TUB: variants seen among roughly 807,000 people sequenced by gnomAD.
TUB encodes TUB bipartite transcription factor, also known as tubby protein homolog.
Under a neutral mutation model 59.7 loss-of-function variants are expected in TUB, and 33 were observed. The observed-to-expected ratio is 0.55, with a 90% CI of 0.42 to 0.74. The LOEUF (loss-of-function observed/expected upper bound fraction) is 0.74. Among genes scored for constraint, TUB ranks in the 30% least tolerant of loss-of-function variants. The pLI, the probability that TUB is intolerant of heterozygous loss-of-function variation, is 0.00. For synonymous variants in TUB, 293 were observed against 256.4 expected (o/e 1.14, Z -1.36); for missense variants, 659 against 672.0 (o/e 0.98, Z 0.21).
At chr11:8,066,587 C>A (rs577037435) in intron 2 of TUB, among the ~76,000 whole-genome samples, 13 of 152,314 alleles carry the variant, frequency 8.5e-5, no homozygotes, top group Admixed American at 3.9e-4. Context: ...CTTCCCTGGG[C>A]AGCCACCCTG....
At position 8,042,325 on chromosome 11, in the gene TUB, T is replaced by A. The variant is rs576524812; in HGVS notation, c.203+2633T>A. On this transcript the variant is annotated intron_variant, in intron 2 of 12. Coordinates refer to the TUB transcript ENST00000305253. ...TCAATACTTCATTTCTTTTTATTGCTGAATAATATTCAATTGTATGGATAT... is the reference window on the plus strand; with the variant it reads ...TCAATACTTCATTTCTTTTTATTGCAGAATAATATTCAATTGTATGGATAT... Among the ~76,000 whole-genome samples, 4 of 152,386 alleles carry A rather than the reference T, an allele frequency of 2.6e-5. No homozygotes were observed. In the South Asian group the frequency reaches 8.3e-4, roughly 32 times the overall value.
rs113881952 is a variant in TUB, at chr11:8,039,384, C to G, written c.156-261C>G. 1.2e-3 allele frequency: 570 copies of G among 457,186 alleles called. 1 individual carries two copies. The highest frequency in any genetic ancestry group is 0.01 in the African/African-American group (519 of 50,478). The allele number at this position is 457,186 out of a possible 1,614,324, so 28.3% of individuals were successfully genotyped here. A position where few individuals can be genotyped will look rare whatever the true frequency, so the allele number is the denominator to read the frequency against. ...CAGCTTCTGCCTGTCTCCCCACCCCCCAGTGCTTCATTCCCATGGCTCAGG... is the reference window on the plus strand; with the variant it reads ...CAGCTTCTGCCTGTCTCCCCACCCCGCAGTGCTTCATTCCCATGGCTCAGG... On this transcript the variant is annotated intron_variant, in intron 1 of 12. Coordinates refer to the TUB transcript ENST00000305253.
At chr11:8,088,424 C>A (rs950829439) in intron 1 of TUB, among the ~76,000 whole-genome samples, 5 of 152,210 alleles carry the variant, frequency 3.3e-5, no homozygotes, top group African/African-American at 9.6e-5. Flanking sequence ...CCTCCTGTTT[C>A]CCCTTTGCAC....
At chr11:8,097,598 T>G in intron 7 of TUB, 116 bp from the exon 8 acceptor site, 1 of 1,281,382 alleles carries the variant, frequency 7.8e-7, no homozygotes, top group South Asian at 1.3e-5. Flanking sequence ...TTTGTGTGTG[T>G]GCACATATGT....
At chr11:8,096,640 T>C (rs765186118) in intron 5 of TUB, 45 bp from the exon 6 acceptor site, 19 of 1,332,188 alleles carry the variant, frequency 1.4e-5, no homozygotes, top group African/African-American at 2.9e-5. Context: ...AGGGGCAGCG[T>C]AGACTTCTCC....
At chr11:8,052,710 C>T (rs926166900) in intron 2 of TUB, among the ~76,000 whole-genome samples, 1 of 152,102 alleles carries the variant, frequency 6.6e-6, no homozygotes, top group Non-Finnish European at 1.5e-5. Context: ...CTCCTGACCT[C>T]GTGATCCGGC....
At chr11:8,019,782 G>A (rs1400640773) in intron 1 of TUB, among the ~76,000 whole-genome samples, 1 of 151,768 alleles carries the variant, frequency 6.6e-6, no homozygotes, top group Non-Finnish European at 1.5e-5. Flanking sequence ...GCCGGCGTCT[G>A]CGCCCCGCCG....
rs1944014196 is a variant in TUB, at chr11:8,096,814, AGT to A, written c.687+10_687+11del. ...AGCAGGAAGTCCGTCAGGGTGAGTG[AGT>A]GAGTCTGCATCCACAGCAGTTTTTG... On this transcript the variant is annotated intron_variant, in intron 6 of 11. Transcript: ENST00000299506. The A allele has an allele frequency of 1.9e-6, 3 of 1,613,992 alleles. No homozygotes were observed. The highest frequency in any genetic ancestry group is 2.5e-6 in the Non-Finnish European group (3 of 1,179,992).
chr11:8,023,945 C>A (rs1293179937), intron 1 of TUB, among the ~76,000 whole-genome samples: 3 of 152,168 alleles, frequency 2.0e-5, no homozygotes, highest in African/African-American at 7.2e-5. Flanking sequence ...AATTTCTGGA[C>A]CTTCCCATTC....
intron 5 of TUB, 91 bp from the exon 6 acceptor site, chr11:8,096,594 A>C (rs775279278): frequency 1.1e-5 from 9 of 847,866 alleles, no homozygotes; most frequent in Non-Finnish European, 1.8e-5. Flanking sequence ...CAGGTGAGTC[A>C]GTGTCTGAAC....
intron 1 of TUB, among the ~76,000 whole-genome samples, chr11:8,021,798 C>T (rs961869042): frequency 6.6e-6 from 1 of 151,824 alleles, no homozygotes; most frequent in East Asian, 1.9e-4. Context: ...CGCCTGTAGT[C>T]CCAGCTACTC....
chr11:8,048,409 A>AT (rs1275583017), intron 2 of TUB, among the ~76,000 whole-genome samples: 4 of 152,104 alleles, frequency 2.6e-5, no homozygotes, highest in African/African-American at 4.8e-5. Flanking sequence ...TCTTTTTTAG[A>AT]TTTTTTTAAT....
rs1944501554 is a variant in TUB, at chr11:8,105,232, C to G, written c.*3613C>G. The G allele has an allele frequency of 1.3e-5, 2 of 152,194 alleles. No homozygotes were observed. The highest frequency in any genetic ancestry group is 4.8e-5 in the African/African-American group (2 of 41,438). The allele number at this position is 152,194 out of a possible 1,614,324, so 9.4% of individuals were successfully genotyped here. On this transcript the variant is annotated 3_prime_UTR_variant, in exon 12 of 12. Coordinates refer to ENST00000299506, the MANE Select transcript of TUB (RefSeq NM_177972.3). The stretch of plus-strand genomic sequence containing the variant: ...CAGCTGCGGCATCCCTGTGTTAACT[C>G]AGGATGCCAAGTGGCCCTCAGATTA...
At chr11:8,079,105 C>T (rs1477248623), upstream of TUB, among the ~76,000 whole-genome samples, 2 of 152,164 alleles carry the variant, frequency 1.3e-5, no homozygotes, top group African/African-American at 2.4e-5. Context: ...GATTCAATTA[C>T]TCCAGGCTCC....
intron 2 of TUB, chr11:8,069,463 G>A (rs1324402050): frequency 2.6e-5 from 4 of 151,660 alleles, no homozygotes; most frequent in Non-Finnish European, 5.9e-5. Context: ...GTAGATTTCT[G>A]GGTTGCTTGT....
At position 8,089,480 on chromosome 11, in the gene TUB, T is replaced by C. The variant is rs1943730099; in HGVS notation, c.39-130T>C. ...CTCCACCCTTCCTCCTTCTACCATG[T>C]GGGCTCACTGAGTCCCAGCAGCCGT... On this transcript the variant is annotated intron_variant, in intron 1 of 11. Coordinates refer to ENST00000299506, the MANE Select transcript of TUB (RefSeq NM_177972.3). 3 of 1,089,070 alleles carry C rather than the reference T, an allele frequency of 2.8e-6. No homozygotes were observed. In the African/African-American group the frequency reaches 4.6e-5, roughly 17 times the overall value. 67.5% of individuals were successfully genotyped at this position (1,089,070 alleles called of 1,614,324 possible).
At chr11:8,021,601 T>C (rs185878575) in intron 1 of TUB, among the ~76,000 whole-genome samples, 56 of 152,286 alleles carry the variant, frequency 3.7e-4, no homozygotes, top group African/African-American at 1.3e-3. Flanking sequence ...TCTGGAACTC[T>C]AGTCTTCCAC....
At chr11:8,095,365 A>G (rs1943939276) in intron 4 of TUB, 133 bp from the exon 5 acceptor site, 1 of 893,536 alleles carries the variant, frequency 1.1e-6, no homozygotes, top group Non-Finnish European at 1.7e-6. Flanking sequence ...TTAGTTTTAT[A>G]AAAATCACTT....
At chr11:8,095,454 TCTC>T (rs745935431) in intron 4 of TUB, 41 bp from the exon 5 acceptor site, 1 of 1,566,018 alleles carries the variant, frequency 6.4e-7, no homozygotes, top group East Asian at 2.3e-5. Context: ...CAGGCCCTCC[TCTC>T]CTCCTCCTGG....
Sources: allele counts gnomAD v4.1 joint callset (sites outside exome capture counted in the v4.1 genomes callset), GRCh38; gene constraint gnomAD v4.1.1; transcripts MANE v1.5; gene names NCBI Gene and HGNC (gene_info 2026-07-23, HGNC 2026-07-21).